The following FBXO32 variants were observed in gnomAD, a reference collection of about 807,000 sequenced individuals.
The protein encoded by FBXO32 is F-box only protein 32.
A neutral mutation model predicts 48.3 loss-of-function variants in FBXO32; 15 were observed. The ratio of observed to expected loss-of-function variants is 0.31; its 90% CI spans 0.21 to 0.48. FBXO32 has a LOEUF of 0.48. FBXO32 is among the 20% of genes least tolerant of loss of function. The pLI is 0.99. For synonymous variants in FBXO32, 154 were observed against 165.9 expected (o/e 0.93, Z 0.55); for missense variants, 309 against 432.7 (o/e 0.71, Z 2.54).
At chr8:123,523,445 C>T (rs1817002815) in intron 4 of FBXO32, among the ~76,000 whole-genome samples, 1 of 152,066 alleles carries the variant, frequency 6.6e-6, no homozygotes, top group Non-Finnish European at 1.5e-5. Context: ...CATAAATTAG[C>T]CGGGCATGGT....
intron 4 of FBXO32, among the ~76,000 whole-genome samples, chr8:123,524,944 T>A (rs979328190): frequency 6.6e-6 from 1 of 152,200 alleles, no homozygotes; most frequent in Non-Finnish European, 1.5e-5. Context: ...CCACCCTCCA[T>A]CAGAGGAAGG....
chr8:123,534,848 T>A, intron 1 of FBXO32, 34 bp from the exon 2 acceptor site: 1 of 1,379,066 alleles, frequency 7.3e-7, no homozygotes, highest in Non-Finnish European at 1.0e-6. Flanking sequence ...GGATGAGCTG[T>A]AACAGCTATA....
rs1280772026 is a variant in FBXO32 at position 123,500,671 on chromosome 8, G to C, written c.*2702C>G. The C allele has an allele frequency of 6.6e-6, 1 of 152,148 alleles. No individual in the cohort carries two copies. Among genetic ancestry groups the C allele is most frequent in the Non-Finnish European group, 1.5e-5 (1 of 68,030 alleles). The allele number at this position is 152,148 out of a possible 1,614,324, so 9.4% of individuals were successfully genotyped here. ...CTAACACAGATATGTTGTGCCTGCT[G>C]TGCTCTTCCCATTGTCCCCACACAA... On this transcript the variant is annotated 3_prime_UTR_variant, in exon 9 of 9. Coordinates refer to ENST00000517956, the MANE Select transcript of FBXO32 (RefSeq NM_058229.4).
chr8:123,520,918 C>A (rs947681874), intron 4 of FBXO32, among the ~76,000 whole-genome samples: 1 of 152,196 alleles, frequency 6.6e-6, no homozygotes, highest in Admixed American at 6.5e-5. Flanking sequence ...ATTCGTCTCT[C>A]GAATAGGCCA....
At chr8:123,526,491 TG>T (rs1182442794) in intron 4 of FBXO32, among the ~76,000 whole-genome samples, 2 of 152,114 alleles carry the variant, frequency 1.3e-5, no homozygotes, top group Non-Finnish European at 1.5e-5. Flanking sequence ...CCTCCCAAAG[TG>T]CTGGGATTAC....
intron 4 of FBXO32, among the ~76,000 whole-genome samples, chr8:123,521,042 C>T (rs1348539472): frequency 6.6e-6 from 1 of 152,204 alleles, no homozygotes; most frequent in East Asian, 1.9e-4. Flanking sequence ...GAGGGCCCTT[C>T]CCTGGCCATC....
At chr8:123,515,350 C>T (rs142138004) in intron 4 of FBXO32, among the ~76,000 whole-genome samples, 1,683 of 152,196 alleles carry the variant, frequency 0.011, 37 homozygotes, top group African/African-American at 0.038. Flanking sequence ...ATTCTCCTGC[C>T]TCAGCCTCCT....
intron 4 of FBXO32, among the ~76,000 whole-genome samples, chr8:123,529,531 G>A (rs564156879): frequency 6.6e-6 from 1 of 152,282 alleles, no homozygotes; most frequent in East Asian, 1.9e-4. Context: ...CCATGTCTTA[G>A]GGAGGTTGAG....
At chr8:123,511,139 G>C (rs976333439) in intron 6 of FBXO32, among the ~76,000 whole-genome samples, 5 of 152,234 alleles carry the variant, frequency 3.3e-5, no homozygotes, top group African/African-American at 1.2e-4. Context: ...AAGAAAGCTG[G>C]ATTGAAAAAG....
chr8:123,520,894 C>T (rs764161561), intron 4 of FBXO32, among the ~76,000 whole-genome samples: 6 of 152,146 alleles, frequency 3.9e-5, no homozygotes, highest in Admixed American at 3.3e-4. Context: ...CACTCTGCTC[C>T]GGCTACACAG....
intron 6 of FBXO32, among the ~76,000 whole-genome samples, chr8:123,511,242 C>T (rs1816727977): frequency 1.3e-5 from 2 of 152,150 alleles, no homozygotes; most frequent in South Asian, 2.1e-4. Flanking sequence ...TGCTGTGCAT[C>T]GCTAAGAAAG....
rs1360946415 is a variant in FBXO32 at position 123,528,906 on chromosome 8, T to C, written c.372+2992A>G. Among the ~76,000 whole-genome samples, 5 of 152,170 alleles carry C rather than the reference T, an allele frequency of 3.3e-5. No homozygotes were observed. The South Asian group carries it at 8.3e-4, about 25-fold the overall frequency. On this transcript the variant is annotated intron_variant, in intron 4 of 8. Transcript: ENST00000517956. Reference sequence around the variant, plus strand: ...TCCTTAGCAAAACCAGTAATCATTGTAGCATTTAAACAACATTAGGTCAAA... The same window carrying C: ...TCCTTAGCAAAACCAGTAATCATTGCAGCATTTAAACAACATTAGGTCAAA...
chr8:123,537,513 A>G (rs560077879), intron 1 of FBXO32, among the ~76,000 whole-genome samples: 2 of 152,316 alleles, frequency 1.3e-5, no homozygotes, highest in African/African-American at 4.8e-5. Context: ...GAAAAAAAAA[A>G]TAAAGCCCTA....
In FBXO32 at chr8:123,525,606, T is replaced by C. The variant is rs1442020961; in HGVS notation, c.372+6292A>G. ...GCATTTTGCCCTCTAAGCAATGCAG[T>C]CGAAAGGAGAGAACACTGGAGCAGG... On this transcript the variant is annotated intron_variant, in intron 4 of 8. Coordinates refer to ENST00000517956, the MANE Select transcript of FBXO32 (RefSeq NM_058229.4). The surrounding 1 kb of genome is among the most constrained non-coding windows in gnomAD (Gnocchi z 4.3). 6.6e-6 allele frequency among the ~76,000 whole-genome samples: 1 copy of C among 152,182 alleles called. No individual in the cohort carries two copies. Among genetic ancestry groups the C allele is most frequent in the Admixed American group, 6.5e-5 (1 of 15,270 alleles).
intron 1 of FBXO32, among the ~76,000 whole-genome samples, chr8:123,536,792 GC>G (rs929727376): frequency 2.0e-5 from 3 of 152,130 alleles, no homozygotes; most frequent in Admixed American, 2.0e-4. Flanking sequence ...TCATTACTTA[GC>G]AAGTTCAAAT....
In FBXO32 at chr8:123,506,972, A is replaced by G. The variant is rs1488492998; in HGVS notation, c.652-398T>C. Among the ~76,000 whole-genome samples the G allele has an allele frequency of 6.6e-6, 1 of 152,084 alleles. No homozygotes were observed. ...AGTCCCATCTCTCTGGCCCCCCTCC[A>G]GACATCAGGTCCCTCCAAGTAGGTT... On this transcript the variant is annotated intron_variant, in intron 6 of 8. Coordinates refer to ENST00000517956, the MANE Select transcript of FBXO32 (RefSeq NM_058229.4). This position sits in a 1 kb window ranked among gnomAD's most constrained non-coding sequence, Gnocchi z 4.0.
chr8:123,532,587 C>G (rs369430442), intron 3 of FBXO32, among the ~76,000 whole-genome samples: 14 of 152,136 alleles, frequency 9.2e-5, no homozygotes, highest in East Asian at 1.9e-4. Context: ...CAGTGACCCC[C>G]CTCTGGACCT....
At chr8:123,517,849 TATAAG>T (rs1441477222) in intron 4 of FBXO32, among the ~76,000 whole-genome samples, 1 of 152,202 alleles carries the variant, frequency 6.6e-6, no homozygotes, top group African/African-American at 2.4e-5. Flanking sequence ...GCATTTTTAT[TATAAG>T]ATATTATTTC....
At chr8:123,511,841 C>A (rs1014180827) in intron 6 of FBXO32, among the ~76,000 whole-genome samples, 1 of 152,106 alleles carries the variant, frequency 6.6e-6, no homozygotes, top group Non-Finnish European at 1.5e-5. Flanking sequence ...ACACATGGGA[C>A]CCGCTTGTTT....
Sources: allele counts gnomAD v4.1 joint callset (sites outside exome capture counted in the v4.1 genomes callset), GRCh38; gene constraint gnomAD v4.1.1; non-coding constraint Gnocchi (gnomAD v3.1); transcripts MANE v1.5; gene names NCBI Gene and HGNC (gene_info 2026-07-23, HGNC 2026-07-21).